Variants in LYRM4 observed in about 807,000 individuals in gnomAD.
LYRM4 encodes LYR motif-containing protein 4.
A neutral mutation model predicts 11.7 loss-of-function variants in LYRM4; 9 were observed. The observed-to-expected ratio is 0.77, with a 90% CI of 0.46 to 1.34. The LOEUF (loss-of-function observed/expected upper bound fraction) is 1.34, where lower values mean the gene tolerates loss of function less well. LYRM4 is among the 40% of genes most tolerant of loss of function. The pLI, the probability that LYRM4 is intolerant of heterozygous loss-of-function variation, is 0.00. For synonymous variants in LYRM4, 42 were observed against 40.4 expected (o/e 1.04, Z -0.15); for missense variants, 133 against 112.5 (o/e 1.18, Z -0.82).
chr6:5,239,923 A>G (rs940318562), intron 1 of LYRM4, among the ~76,000 whole-genome samples: 5 of 152,196 alleles, frequency 3.3e-5, no homozygotes, highest in African/African-American at 1.2e-4. Flanking sequence ...GCGCAGAACA[A>G]GTGCATGAGA....
At chr6:5,214,513 T>C (rs1581521333) in intron 2 of LYRM4, among the ~76,000 whole-genome samples, 2 of 152,188 alleles carry the variant, frequency 1.3e-5, no homozygotes, top group African/African-American at 4.8e-5. Context: ...GCCCGATCTT[T>C]CTTTTGAAAA....
At chr6:5,147,909 G>A (rs1323185573) in intron 2 of LYRM4, among the ~76,000 whole-genome samples, 1 of 152,202 alleles carries the variant, frequency 6.6e-6, no homozygotes, top group Non-Finnish European at 1.5e-5. Flanking sequence ...GCTGATGAGA[G>A]ATTACTGTCC....
chr6:5,144,912 G>A (rs376289462), intron 2 of LYRM4, among the ~76,000 whole-genome samples: 289 of 152,312 alleles, frequency 1.9e-3, no homozygotes, highest in African/African-American at 6.0e-3. Flanking sequence ...GCTTTGACGC[G>A]ACATGGGAAG....
intron 2 of LYRM4, among the ~76,000 whole-genome samples, chr6:5,128,249 C>T (rs1275382587): frequency 2.0e-5 from 3 of 152,180 alleles, no homozygotes; most frequent in African/African-American, 7.2e-5. Flanking sequence ...TTTATAGAAG[C>T]TGCCATAGTG....
chr6:5,057,068 T>TA, the LYRM4 span, among the ~76,000 whole-genome samples: 1 of 152,244 alleles, frequency 6.6e-6, no homozygotes, highest in Non-Finnish European at 1.5e-5. Context: ...TTTTAAGTGA[T>TA]ACGGGTAGGG....
rs532286961 is a variant in LYRM4 at position 5,231,174 on chromosome 6, C to T, written c.87-14436G>A. On this transcript the variant is annotated intron_variant, in intron 1 of 2. Transcript: ENST00000330636. ...CACCTATAATCCCAGCTACTGCACT[C>T]CGGTCTGGGCGACAGAGTGAGACTG... 1.6e-4 allele frequency among the ~76,000 whole-genome samples: 24 copies of T among 152,082 alleles called. No individual in the cohort carries two copies. In the East Asian group the frequency reaches 4.4e-3, roughly 28 times the overall value.
At chr6:5,063,805 G>A in the LYRM4 span, among the ~76,000 whole-genome samples, 7 of 151,968 alleles carry the variant, frequency 4.6e-5, no homozygotes, top group Admixed American at 2.0e-4. Flanking sequence ...AGGCTGCCCC[G>A]GTTCCCCAGA....
chr6:5,064,845 T>C, the LYRM4 span, among the ~76,000 whole-genome samples: 39 of 152,326 alleles, frequency 2.6e-4, no homozygotes, highest in East Asian at 6.4e-3. Flanking sequence ...CGTTTCTTTG[T>C]GTTGGGAACA....
intron 2 of LYRM4, among the ~76,000 whole-genome samples, chr6:5,139,749 T>C (rs1337896558): frequency 2.0e-5 from 3 of 152,148 alleles, no homozygotes; most frequent in Admixed American, 6.5e-5. Flanking sequence ...GCACCTCATT[T>C]CCATTTTCCG....
intron 1 of LYRM4, among the ~76,000 whole-genome samples, chr6:5,244,536 AAG>A (rs1268707687): frequency 6.6e-6 from 1 of 152,112 alleles, no homozygotes; most frequent in Non-Finnish European, 1.5e-5. Flanking sequence ...TGGAAAGGAG[AAG>A]AGAGACTCCT....
intron 2 of LYRM4, chr6:5,136,957 C>A (rs1332833739): frequency 3.7e-5 from 15 of 400,840 alleles, no homozygotes; most frequent in Non-Finnish European, 4.8e-5. Context: ...ATTTTCATTA[C>A]CCCCAAGGAA....
chr6:5,214,651 A>G (rs1167335773), intron 2 of LYRM4, among the ~76,000 whole-genome samples: 1 of 152,206 alleles, frequency 6.6e-6, no homozygotes, highest in Non-Finnish European at 1.5e-5. Context: ...GCAAGAATAC[A>G]GACTCTCCAC....
chr6:5,208,467 C>A (rs970125462), intron 2 of LYRM4, among the ~76,000 whole-genome samples: 4 of 152,176 alleles, frequency 2.6e-5, no homozygotes, highest in Non-Finnish European at 5.9e-5. Flanking sequence ...AAATGAAACT[C>A]TTGCAAAAGT....
chr6:5,176,215 C>A (rs1057172108), intron 2 of LYRM4, among the ~76,000 whole-genome samples: 2 of 152,080 alleles, frequency 1.3e-5, no homozygotes, highest in African/African-American at 4.8e-5. Context: ...CAAGCATGTG[C>A]CACCATGCCT....
At chr6:5,123,393 T>C (rs1455136364) in intron 2 of LYRM4, among the ~76,000 whole-genome samples, 1 of 152,182 alleles carries the variant, frequency 6.6e-6, no homozygotes, top group Non-Finnish European at 1.5e-5. Flanking sequence ...AGCAGTGCCC[T>C]GGTTAACGTG....
intron 2 of LYRM4, among the ~76,000 whole-genome samples, chr6:5,118,095 T>TATATATATATATATTTG (rs34304149): frequency 1.0e-5 from 1 of 96,884 alleles, no homozygotes; most frequent in Non-Finnish European, 2.1e-5. Context: ...TATATATATA[T>TATATATATATATATTTG]TTTTGTTTTG....
intron 1 of LYRM4, among the ~76,000 whole-genome samples, chr6:5,243,392 T>C (rs1389905793): frequency 1.3e-5 from 2 of 152,196 alleles, no homozygotes; most frequent in Non-Finnish European, 2.9e-5. Context: ...TAGGTACCAA[T>C]ATTCTGAACA....
chr6:5,123,599 G>A (rs1217854069), intron 2 of LYRM4, among the ~76,000 whole-genome samples: 1 of 152,216 alleles, frequency 6.6e-6, no homozygotes, highest in Non-Finnish European at 1.5e-5. Context: ...CTGTTCCCAC[G>A]GCCCCTACTT....
At chr6:5,256,166 TGAA>T (rs1764655847) in intron 1 of LYRM4, among the ~76,000 whole-genome samples, 1 of 152,002 alleles carries the variant, frequency 6.6e-6, no homozygotes, top group African/African-American at 2.4e-5. Flanking sequence ...AGGAGTTGGC[TGAA>T]GAAGAGCCAA....
Sources: gnomAD v4.1 joint callset for allele counts (sites outside exome capture counted in the v4.1 genomes callset) on GRCh38, gnomAD v4.1.1 for gene constraint, MANE v1.5 for transcripts, NCBI Gene and HGNC (gene_info 2026-07-23, HGNC 2026-07-21) for gene names.